The following ROBO2 variants were observed in gnomAD, a reference collection of about 807,000 sequenced individuals.
The protein encoded by ROBO2 is roundabout guidance receptor 2, also known as roundabout homolog 2.
Under a neutral mutation model 160.8 loss-of-function variants are expected in ROBO2, and 53 were observed. The ratio of observed to expected loss-of-function variants is 0.33; its 90% CI spans 0.26 to 0.41. The LOEUF is 0.41. Among genes scored for constraint, ROBO2 ranks in the 10% least tolerant of loss-of-function variants. ROBO2 has a pLI of 1.00. For synonymous variants in ROBO2, 664 were observed against 611.7 expected, an observed-to-expected ratio of 1.09 and a Z score of -1.26; for missense variants, 1,577 against 1,722.4, an observed-to-expected ratio of 0.92 and a Z score of 1.49.
chr3:77,077,330 T>C (rs554057992), intron 1 of ROBO2, among the ~76,000 whole-genome samples: 1 of 152,352 alleles, frequency 6.6e-6, no homozygotes, highest in South Asian at 2.1e-4. Context: ...TGGATATTAT[T>C]ATAGTATCAT....
intron 9 of ROBO2, among the ~76,000 whole-genome samples, chr3:77,561,789 G>A (rs2093329940): frequency 6.6e-6 from 1 of 151,968 alleles, no homozygotes; most frequent in Admixed American, 6.6e-5. Context: ...GTTTTTAAAT[G>A]AAGAAGTTTA....
chr3:76,063,509 A>G (rs1377313802), intron 2 of ROBO2, among the ~76,000 whole-genome samples: 1 of 150,778 alleles, frequency 6.6e-6, no homozygotes, highest in African/African-American at 2.4e-5. Context: ...ACACATGACC[A>G]ATTTTATTTT....
intron 2 of ROBO2, among the ~76,000 whole-genome samples, chr3:77,000,799 A>C (rs2061297673): frequency 6.6e-6 from 1 of 152,202 alleles, no homozygotes; most frequent in African/African-American, 2.4e-5. Context: ...ATAGTAAAAG[A>C]AATAAATAAA....
At chr3:76,547,266 A>G (rs574822799) in intron 2 of ROBO2, among the ~76,000 whole-genome samples, 1 of 152,066 alleles carries the variant, frequency 6.6e-6, no homozygotes, top group South Asian at 2.1e-4. Flanking sequence ...TTGACAGCAT[A>G]TTTATTTTTT....
chr3:76,740,256 G>T lies in ROBO2; in HGVS notation c.110-357758G>T, dbSNP rs566978275. 8.6e-4 allele frequency among the ~76,000 whole-genome samples: 131 copies of T among 152,296 alleles called. 1 individual carries two copies. The highest frequency in any genetic ancestry group is 1.7e-3 in the Non-Finnish European group (116 of 68,014). ...TGTGAAAACCTCGAATGGTAACTCA[G>T]TGTGTTGATGAGTGCAGAAATTTTA... On this transcript the variant is annotated intron_variant, in intron 2 of 26. Coordinates refer to the ROBO2 transcript ENST00000487694.
At chr3:76,680,153 A>G (rs2106899505) in intron 2 of ROBO2, among the ~76,000 whole-genome samples, 1 of 152,254 alleles carries the variant, frequency 6.6e-6, no homozygotes, top group Admixed American at 6.5e-5. Flanking sequence ...CGTGAAACAA[A>G]TCTATTGGAC....
chr3:77,597,017 G>A (rs1175343080), intron 19 of ROBO2, among the ~76,000 whole-genome samples: 1 of 151,854 alleles, frequency 6.6e-6, no homozygotes, highest in African/African-American at 2.4e-5. Flanking sequence ...TATGCTTTCA[G>A]GATTACTAGT....
chr3:76,861,869 A>G (rs2070818610), intron 2 of ROBO2, among the ~76,000 whole-genome samples: 1 of 152,334 alleles, frequency 6.6e-6, no homozygotes, highest in Admixed American at 6.5e-5. Context: ...CTGCTGTGTC[A>G]TAAGAAAGAG....
chr3:76,884,127 A>G (rs1204250421), intron 2 of ROBO2, among the ~76,000 whole-genome samples: 1 of 152,218 alleles, frequency 6.6e-6, no homozygotes, highest in Admixed American at 6.5e-5. Context: ...TTTTTGATAG[A>G]TGAAAAGCAT....
intron 2 of ROBO2, among the ~76,000 whole-genome samples, chr3:77,450,224 CT>C (rs909421600): frequency 6.6e-6 from 1 of 152,012 alleles, no homozygotes; most frequent in African/African-American, 2.4e-5. Context: ...TTCAAACTTA[CT>C]TTTTTTACTT....
intron 1 of ROBO2, among the ~76,000 whole-genome samples, chr3:77,069,625 T>C (rs750812437): frequency 6.6e-6 from 1 of 152,224 alleles, no homozygotes; most frequent in Non-Finnish European, 1.5e-5. Flanking sequence ...GGTGGTTAGA[T>C]TGAATAACTT....
intron 2 of ROBO2, among the ~76,000 whole-genome samples, chr3:76,852,661 T>G (rs2069533854): frequency 6.6e-6 from 1 of 152,140 alleles, no homozygotes; most frequent in Non-Finnish European, 1.5e-5. Context: ...GATGGAAACT[T>G]CCAAATATAA....
intron 2 of ROBO2, among the ~76,000 whole-genome samples, chr3:76,303,357 G>GTA (rs1198595077): frequency 1.3e-5 from 2 of 152,088 alleles, no homozygotes; most frequent in Non-Finnish European, 2.9e-5. Context: ...GTGTGTGTGT[G>GTA]TGTATATATA....
intron 2 of ROBO2, among the ~76,000 whole-genome samples, chr3:76,429,920 G>A (rs544535475): frequency 6.6e-6 from 1 of 152,254 alleles, no homozygotes; most frequent in East Asian, 1.9e-4. Context: ...TTGGGAGATG[G>A]TGAGGGCGAG....
chr3:77,456,462 GAT>G (rs1396811424), intron 2 of ROBO2, among the ~76,000 whole-genome samples: 10 of 152,152 alleles, frequency 6.6e-5, no homozygotes, highest in Non-Finnish European at 1.5e-4. Context: ...AAAGCTAAAG[GAT>G]ATACAGTGTG....
At chr3:76,217,433 A>C (rs1202049826) in intron 2 of ROBO2, among the ~76,000 whole-genome samples, 2 of 152,200 alleles carry the variant, frequency 1.3e-5, no homozygotes, top group African/African-American at 2.4e-5. Context: ...AATAAAGAAG[A>C]AAAGAGAGAA....
chr3:77,090,606 G>A (rs2070080375), intron 1 of ROBO2, among the ~76,000 whole-genome samples: 3 of 151,706 alleles, frequency 2.0e-5, no homozygotes, highest in South Asian at 4.2e-4. Context: ...TGCCCGCCTC[G>A]GCCTCCCAAA....
At chr3:76,000,095 G>A (rs1447891284) in intron 2 of ROBO2, among the ~76,000 whole-genome samples, 1 of 152,150 alleles carries the variant, frequency 6.6e-6, no homozygotes, top group Non-Finnish European at 1.5e-5. Context: ...GGCTGGGATA[G>A]CCTCACAGTC....
intron 2 of ROBO2, among the ~76,000 whole-genome samples, chr3:75,981,590 T>C (rs1203260782): frequency 1.3e-5 from 2 of 151,150 alleles, no homozygotes; most frequent in Non-Finnish European, 3.0e-5. Flanking sequence ...CAAACTGTAA[T>C]ATAAAATTAT....
Sources: allele counts gnomAD v4.1 joint callset (sites outside exome capture counted in the v4.1 genomes callset), GRCh38; gene constraint gnomAD v4.1.1; transcripts MANE v1.5; gene names NCBI Gene and HGNC (gene_info 2026-07-23, HGNC 2026-07-21).